Variants in USP54 observed in about 807,000 individuals in gnomAD.
The protein encoded by USP54 is ubiquitin carboxyl-terminal hydrolase 54.
In USP54, 87 loss-of-function variants were observed where a neutral mutation model predicts 170.5. The observed-to-expected ratio is 0.51, with a 90% CI of 0.43 to 0.61. USP54 has a LOEUF of 0.61. Among genes scored for constraint, USP54 ranks in the 20% least tolerant of loss-of-function variants. The pLI is 0.00. For synonymous variants in USP54, 655 were observed against 742.8 expected (o/e 0.88, Z 1.92); for missense variants, 1,786 against 2,047.8 (o/e 0.87, Z 2.47).
At position 73,530,451 on chromosome 10, in the gene USP54, T is replaced by C. The variant is rs1378222788; in HGVS notation, c.1520A>G (p.Asp507Gly). The change falls in exon 14 of 24, where the codon GAT becomes GGT. Residue 507 changes from aspartate to glycine, a missense_variant. Coordinates refer to ENST00000687698, the MANE Select transcript of USP54 (RefSeq NM_001391956.1). Reference sequence around the variant, plus strand: ...CATATTGCTGACTGTCTCTTTAAAATCTCTCAGCCTGTTGGTGCTGCTGGA... The same window carrying C: ...CATATTGCTGACTGTCTCTTTAAAACCTCTCAGCCTGTTGGTGCTGCTGGA... ...KPSSSTNRLR[D>G]FKETVSNMIH... The C allele has an allele frequency of 1.7e-5, 27 of 1,614,146 alleles. No individual in the cohort carries two copies. Among genetic ancestry groups the C allele is most frequent in the Non-Finnish European group, 2.1e-5 (25 of 1,180,030 alleles).
chr10:73,606,036 G>A (rs2079592134), intron 1 of USP54, among the ~76,000 whole-genome samples: 2 of 151,718 alleles, frequency 1.3e-5, no homozygotes, highest in Admixed American at 6.6e-5. Context: ...AAATTAGCCA[G>A]GCGTGGTGGT....
intron 17 of USP54, 104 bp from the exon 18 acceptor site, chr10:73,521,131 G>T: frequency 2.1e-6 from 3 of 1,455,328 alleles, no homozygotes; most frequent in Non-Finnish European, 1.9e-6. Context: ...CTGAGCCACT[G>T]GTCTACCCTT....
chr10:73,537,928 G>C (rs1327247315), intron 10 of USP54: 1 of 152,324 alleles, frequency 6.6e-6, no homozygotes, highest in Non-Finnish European at 1.5e-5. Context: ...TTCAAGGCCG[G>C]GCGTGGTGGC....
chr10:73,520,994 T>C lies in USP54; in HGVS notation c.2396A>G (p.Glu799Gly). 1.2e-6 allele frequency: 2 copies of C among 1,614,150 alleles called. No individual in the cohort carries two copies. Among genetic ancestry groups the C allele is most frequent in the Non-Finnish European group, 1.7e-6 (2 of 1,180,042 alleles). The change falls in exon 18 of 24, where the codon GAG becomes GGG. Residue 799 changes from glutamate (E) to glycine (G), a missense_variant. This residue lies in a region of USP54 where 1,418 missense variants were observed against 1,569.0 expected (regional missense o/e 0.90). Transcript: ENST00000687698. ...RSDGFERSLQEAESVFEESLH... is the reference protein window; with the variant it reads ...RSDGFERSLQGAESVFEESLH... ...TGACTCTTCAAACACTGACTCTGCCTCTTGCAGGGACCTCTCAAAGCCGTC... is the reference window on the plus strand; with the variant it reads ...TGACTCTTCAAACACTGACTCTGCCCCTTGCAGGGACCTCTCAAAGCCGTC...
At chr10:73,580,948 GT>G (rs2132132438) in intron 1 of USP54, among the ~76,000 whole-genome samples, 1 of 152,286 alleles carries the variant, frequency 6.6e-6, no homozygotes, top group South Asian at 2.1e-4. Context: ...ATATCGTATA[GT>G]CTAGGTGTGT....
At chr10:73,519,381 G>T in intron 19 of USP54, 1 of 234,344 alleles carries the variant, frequency 4.3e-6, no homozygotes, top group South Asian at 6.3e-5. Context: ...GGTGCAATCA[G>T]AGCAAGAAAG....
intron 15 of USP54, 71 bp downstream of exon 15, chr10:73,529,609 C>T (rs1374061042): frequency 6.4e-7 from 1 of 1,563,870 alleles, no homozygotes; most frequent in Admixed American, 1.7e-5. Flanking sequence ...CTCAGCCATG[C>T]CTGAAAGCCC....
At chr10:73,601,828 G>A (rs2079188152) in intron 1 of USP54, among the ~76,000 whole-genome samples, 2 of 152,180 alleles carry the variant, frequency 1.3e-5, no homozygotes, top group South Asian at 4.1e-4. Flanking sequence ...GCCACTGAAC[G>A]CAGGTGGCAG....
At chr10:73,606,175 C>CAAAA (rs1178699732) in intron 1 of USP54, among the ~76,000 whole-genome samples, 6 of 25,620 alleles carry the variant, frequency 2.3e-4, no homozygotes, top group Admixed American at 5.0e-4. Flanking sequence ...GAGGCTGTCT[C>CAAAA]AAAAAAAAAA....
chr10:73,549,379 T>C (rs949005831), intron 4 of USP54, among the ~76,000 whole-genome samples: 1 of 152,232 alleles, frequency 6.6e-6, no homozygotes, highest in Non-Finnish European at 1.5e-5. Context: ...TATCTAACTA[T>C]ATATTGGACG....
At position 73,541,719 on chromosome 10, in the gene USP54, G is replaced by T. The variant is rs1227279878; in HGVS notation, c.592C>A (p.Leu198Met). Residue 198 changes from leucine (L) to methionine (M), a missense_variant, in exon 8 of 24, where the codon CTG becomes ATG. This residue lies in a region of USP54 where 361 missense variants were observed against 455.0 expected (regional missense o/e 0.79). Transcript: ENST00000687698. Reference sequence around the variant, plus strand: ...GGTGAAGGTTTCTCTCGTCTTTCCAGCATACAAATAGCCTGATTGCTTCAA... The same window carrying T: ...GGTGAAGGTTTCTCTCGTCTTTCCATCATACAAATAGCCTGATTGCTTCAA... ...TSLCNQAICM[L>M]ERREKPSPSM... 6.2e-7 allele frequency: 1 copy of T among 1,614,118 alleles called. No individual in the cohort carries two copies. The highest frequency in any genetic ancestry group is 2.2e-5 in the East Asian group (1 of 44,888).
At position 73,534,721 on chromosome 10, in the gene USP54, C is replaced by T. The variant is rs757002482; in HGVS notation, c.1194G>A (p.Glu398=). The T allele has an allele frequency of 6.2e-7, 1 of 1,614,148 alleles. No individual in the cohort carries two copies. The highest frequency in any genetic ancestry group is 8.5e-7 in the Non-Finnish European group (1 of 1,180,004). ...GGTGGGAATGTTTGTAGGGATAGCT[C>T]TCCGTTGAGGAATCTGTTCGAGTGT... is the stretch of plus-strand genomic sequence containing the variant. ...SSDTRTDSST[E]SYPYKHSHHE... Residue 398 remains glutamate (E), a synonymous_variant, in exon 12 of 24, where the codon GAG becomes GAA. Transcript: ENST00000687698.
chr10:73,509,673 G>T (rs1354361972), intron 20 of USP54, among the ~76,000 whole-genome samples: 1 of 151,790 alleles, frequency 6.6e-6, no homozygotes, highest in Non-Finnish European at 1.5e-5. Context: ...ATTTATGAAT[G>T]AAATAATATA....
intron 15 of USP54, among the ~76,000 whole-genome samples, chr10:73,528,883 A>T (rs2063481215): frequency 6.6e-6 from 1 of 152,240 alleles, no homozygotes; most frequent in African/African-American, 2.4e-5. Flanking sequence ...CTATAATTGA[A>T]GGAAATTAAT....
At chr10:73,598,952 G>A (rs1018546372) in intron 1 of USP54, among the ~76,000 whole-genome samples, 1 of 150,230 alleles carries the variant, frequency 6.7e-6, no homozygotes, top group Non-Finnish European at 1.5e-5. Context: ...GGTGGCGCAT[G>A]CCTGTAGTCC....
chr10:73,532,097 T>G (rs1256310776), intron 12 of USP54, among the ~76,000 whole-genome samples: 6 of 152,238 alleles, frequency 3.9e-5, no homozygotes, highest in Non-Finnish European at 8.8e-5. Flanking sequence ...AATCTTGTAT[T>G]GCTTTTATTT....
intron 4 of USP54, among the ~76,000 whole-genome samples, chr10:73,557,390 C>T (rs1317143669): frequency 2.0e-5 from 3 of 151,666 alleles, no homozygotes; most frequent in South Asian, 2.1e-4. Flanking sequence ...GGCGCAATCT[C>T]GCTCACTGCA....
intron 22 of USP54, among the ~76,000 whole-genome samples, chr10:73,502,063 G>A (rs1051027980): frequency 3.3e-5 from 5 of 151,774 alleles, no homozygotes; most frequent in African/African-American, 4.8e-5. Context: ...TTCTGTATCC[G>A]CAGCACCTTG....
At chr10:73,584,346 C>T (rs1009453168) in intron 1 of USP54, among the ~76,000 whole-genome samples, 1 of 152,054 alleles carries the variant, frequency 6.6e-6, no homozygotes, top group African/African-American at 2.4e-5. Flanking sequence ...CAAGATCACG[C>T]CACTGCACTC....
Sources: allele counts gnomAD v4.1 joint callset (sites outside exome capture counted in the v4.1 genomes callset), GRCh38; gene constraint gnomAD v4.1.1; regional missense constraint gnomAD v4.1.1; transcripts MANE v1.5; gene names NCBI Gene and HGNC (gene_info 2026-07-23, HGNC 2026-07-21).